The following TRMT13 variants were observed in gnomAD, a reference collection of about 807,000 sequenced individuals.
TRMT13 encodes tRNA:m(4)X modification enzyme TRM13 homolog.
A neutral mutation model predicts 55.9 loss-of-function variants in TRMT13; 45 were observed. The observed-to-expected ratio is 0.80, with a 90% CI of 0.63 to 1.03. The LOEUF is 1.03. Among genes scored for constraint, TRMT13 ranks in the 50% least tolerant of loss-of-function variants. TRMT13 has a pLI of 0.00. For missense variants in TRMT13, 513 were observed against 563.9 expected (o/e 0.91, Z 0.91); for synonymous variants, 183 against 196.3 (o/e 0.93, Z 0.57).
At position 100,149,181 on chromosome 1, in the gene TRMT13, T is replaced by C. The variant is rs1433724905; in HGVS notation, c.*361T>C. ...GGAAATTTATCTTCCTTTGATTTTA[T>C]TTAATATTTTTTATTTCTTAAGTTC... On this transcript the variant is annotated 3_prime_UTR_variant, in exon 11 of 11. Transcript: ENST00000370141. 5 of 1,522,562 alleles carry C rather than the reference T, an allele frequency of 3.3e-6. No homozygotes were observed. Among genetic ancestry groups the C allele is most frequent in the Non-Finnish European group, 4.4e-6 (5 of 1,140,406 alleles). The allele number at this position is 1,522,562 out of a possible 1,614,324, so 94.3% of individuals were successfully genotyped here.
At chr1:100,144,207 C>G in intron 9 of TRMT13, 64 bp downstream of exon 9, 1 of 1,151,538 alleles carries the variant, frequency 8.7e-7, no homozygotes, top group Non-Finnish European at 1.3e-6. Flanking sequence ...CTGGCCCCAA[C>G]CATTTCAGTG....
At chr1:100,143,329 T>C (rs1417999580) in intron 8 of TRMT13, 120 bp downstream of exon 8, 2 of 565,172 alleles carry the variant, frequency 3.5e-6, no homozygotes, top group Non-Finnish European at 6.2e-6. Flanking sequence ...AATCAATTCA[T>C]TGTTAATATA....
rs543274371 is a variant in TRMT13, at chr1:100,147,991, A to G, written c.915A>G (p.Glu305=). The G allele has an allele frequency of 6.2e-7, 1 of 1,614,190 alleles. No individual in the cohort carries two copies. The highest frequency in any genetic ancestry group is 1.1e-5 in the South Asian group (1 of 91,084). ...LAKRIKNDKT[E]KEIYTLAKEG... is the part of the protein sequence containing the mutation. ...AACGCATAAAGAATGATAAAACAGA[A>G]AAAGAAATTTACACTTTGGCCAAGG... The change falls in exon 10 of 11, where the codon GAA becomes GAG. Residue 305 remains glutamate, a synonymous_variant. Transcript: ENST00000370141.
chr1:100,144,408 C>T (rs1319449940), intron 9 of TRMT13: 4 of 263,542 alleles, frequency 1.5e-5, no homozygotes, highest in Non-Finnish European at 2.8e-5. Context: ...AAATTTCAAC[C>T]AGAAAAGGAA....
At position 100,148,769 on chromosome 1, in the gene TRMT13, TTTG is replaced by T. The variant is rs1238568556; in HGVS notation, c.1398_1400del (p.Leu467del). The T allele has an allele frequency of 6.4e-7, 1 of 1,562,528 alleles. No individual in the cohort carries two copies. The highest frequency in any genetic ancestry group is 8.6e-7 in the Non-Finnish European group (1 of 1,158,850). ...ACCCTCTGGTGTCTTTGGAAAATGT[TTTG>T]TTAACTGCTTTACCAAATCATTCTT... On this transcript the variant is annotated inframe_deletion, in exon 11 of 11. Transcript: ENST00000370141.
chr1:100,142,781 CAGG>C (rs1656784286), intron 7 of TRMT13: 1 of 235,112 alleles, frequency 4.3e-6, no homozygotes, highest in Non-Finnish European at 8.3e-6. Flanking sequence ...TGTGATCTTT[CAGG>C]AGAGCAAGAA....
At chr1:100,139,349 G>C (rs1369384650) in intron 3 of TRMT13, among the ~76,000 whole-genome samples, 1 of 152,202 alleles carries the variant, frequency 6.6e-6, no homozygotes, top group Admixed American at 6.5e-5. Context: ...CTTTTAATAA[G>C]TGTTACAAAT....
rs751287677 is a variant in TRMT13, at chr1:100,133,249, A to G, written c.81A>G (p.Lys27=). 4.3e-6 allele frequency: 7 copies of G among 1,613,930 alleles called. No homozygotes were observed. The highest frequency in any genetic ancestry group is 5.9e-6 in the Non-Finnish European group (7 of 1,179,966). The part of the protein sequence containing the change: ...GRCGYYVEKK[K]RFCRMVVAAG... The stretch of plus-strand genomic sequence containing the variant: ...GCGGTTACTATGTGGAAAAGAAGAA[A>G]CGGTTCTGCAGGATGGTGGTGGCCG... The change falls in exon 1 of 11, where the codon AAA becomes AAG. Residue 27 remains lysine, a synonymous_variant. Coordinates refer to ENST00000370141, the MANE Select transcript of TRMT13 (RefSeq NM_019083.3).
chr1:100,140,646 A>G, intron 6 of TRMT13, 132 bp downstream of exon 6: 1 of 852,748 alleles, frequency 1.2e-6, no homozygotes, highest in Non-Finnish European at 1.8e-6. Context: ...TCAAAAATAT[A>G]TAGAAACATA....
At chr1:100,134,348 A>G (rs1655511763) in intron 1 of TRMT13, among the ~76,000 whole-genome samples, 1 of 152,242 alleles carries the variant, frequency 6.6e-6, no homozygotes, top group African/African-American at 2.4e-5. Flanking sequence ...CCACAGAACT[A>G]TAAAGAATAA....
Position 100,140,519 on chromosome 1 carries a change from G to T in TRMT13, c.501+5G>T, listed in dbSNP as rs753882742. On this transcript the variant is annotated splice_donor_5th_base_variant and intron_variant, in intron 6 of 10. Transcript: ENST00000370141. ...ACCAAGCACCTGAAACAGCAGGTAT[G>T]TTTAGGCTATAGTAACTACTAAACA... is the stretch of plus-strand genomic sequence containing the variant. 1 of 1,597,614 alleles carries T rather than the reference G, an allele frequency of 6.3e-7. No individual in the cohort carries two copies. Among genetic ancestry groups the T allele is most frequent in the South Asian group, 1.1e-5 (1 of 90,752 alleles).
rs1187256832 is a variant in TRMT13 at position 100,149,974 on chromosome 1, C to T, written c.*1154C>T. ...AATTTAAAATTCCTGACTTTAGTCT[C>T]ATATATCTTGTCAGACTGTCTCGGT... is the stretch of plus-strand genomic sequence containing the variant. On this transcript the variant is annotated 3_prime_UTR_variant, in exon 11 of 11. Coordinates refer to ENST00000370141, the MANE Select transcript of TRMT13 (RefSeq NM_019083.3). 1.3e-5 allele frequency: 2 copies of T among 152,558 alleles called. No individual in the cohort carries two copies. The highest frequency in any genetic ancestry group is 4.8e-5 in the African/African-American group (2 of 41,424). The allele number at this position is 152,558 out of a possible 1,614,324, so 9.5% of individuals were successfully genotyped here. A position where few individuals can be genotyped will look rare whatever the true frequency, so the allele number is the denominator to read the frequency against.
chr1:100,136,344 T>C (rs1346630412), intron 1 of TRMT13, among the ~76,000 whole-genome samples: 2 of 152,172 alleles, frequency 1.3e-5, no homozygotes. Flanking sequence ...AAATGATTAG[T>C]ATGTGAGGCA....
At chr1:100,147,196 A>G (rs146977756) in intron 9 of TRMT13, among the ~76,000 whole-genome samples, 1 of 152,322 alleles carries the variant, frequency 6.6e-6, no homozygotes, top group African/African-American at 2.4e-5. Flanking sequence ...AAATCCATTT[A>G]TTTAGTTTTA....
At chr1:100,136,136 A>C (rs1046570469) in intron 1 of TRMT13, among the ~76,000 whole-genome samples, 1 of 152,222 alleles carries the variant, frequency 6.6e-6, no homozygotes, top group African/African-American at 2.4e-5. Flanking sequence ...ATGTATTCCC[A>C]GTCATTAAGT....
chr1:100,150,215 T>C lies in TRMT13; in HGVS notation c.*1395T>C, dbSNP rs188772712. 1 of 152,286 alleles carries C rather than the reference T, an allele frequency of 6.6e-6. No homozygotes were observed. The highest frequency in any genetic ancestry group is 6.5e-5 in the Admixed American group (1 of 15,300). 9.4% of individuals were successfully genotyped at this position (152,286 alleles called of 1,614,324 possible). Reference sequence around the variant, plus strand: ...TTCAATAAATATTAACTAGTAATAGTAGTGGTAGTAACTCGTGAATCTTTT... The same window carrying C: ...TTCAATAAATATTAACTAGTAATAGCAGTGGTAGTAACTCGTGAATCTTTT... On this transcript the variant is annotated 3_prime_UTR_variant, in exon 11 of 11. Transcript: ENST00000370141.
intron 7 of TRMT13, among the ~76,000 whole-genome samples, chr1:100,142,737 C>T (rs528675670): frequency 3.9e-5 from 6 of 152,104 alleles, no homozygotes; most frequent in South Asian, 2.1e-4. Context: ...GTAGATCAGC[C>T]GGTCGTGGGC....
At chr1:100,143,283 C>A in intron 8 of TRMT13, 74 bp downstream of exon 8, 1 of 907,096 alleles carries the variant, frequency 1.1e-6, no homozygotes, top group Non-Finnish European at 1.7e-6. Flanking sequence ...CTTAGAAATC[C>A]AATCATGCAG....
rs2101749210 is a variant in TRMT13, at chr1:100,148,310, G to A, written c.1234G>A (p.Ala412Thr). ...AGGATACAGAATCACAGATGATGGC[G>A]CTGATTGTTTGCCTGGGTAAGAGAC... ...DGGYRITDDG[A>T]DCLPGLLSVE... is the part of the protein sequence containing the mutation. The change falls in exon 10 of 11, where the codon GCT (alanine) becomes ACT (threonine). Residue 412 changes from alanine to threonine, a missense_variant. Around this residue, in one of 3 missense-constraint regions of TRMT13, gnomAD observed 209 missense variants for 255.8 expected, o/e 0.82. Transcript: ENST00000370141. The A allele has an allele frequency of 3.1e-6, 5 of 1,612,840 alleles. No homozygotes were observed. Among genetic ancestry groups the A allele is most frequent in the African/African-American group, 1.3e-5 (1 of 75,034 alleles).
Sources: gnomAD v4.1 joint callset for allele counts (sites outside exome capture counted in the v4.1 genomes callset) on GRCh38, gnomAD v4.1.1 for gene constraint, gnomAD v4.1.1 regional missense constraint, MANE v1.5 for transcripts, NCBI Gene and HGNC (gene_info 2026-07-23, HGNC 2026-07-21) for gene names.